Variants in DOK7 observed in about 807,000 individuals in gnomAD.
The protein encoded by DOK7 is protein Dok-7.
Under a neutral mutation model 30.7 loss-of-function variants are expected in DOK7, and 32 were observed. The ratio of observed to expected loss-of-function variants is 1.04; its 90% CI spans 0.79 to 1.40. The LOEUF is 1.40. Among genes scored for constraint, DOK7 ranks in the 40% most tolerant of loss-of-function variants. The pLI, the probability that DOK7 is intolerant of heterozygous loss-of-function variation, is 0.00. For missense variants in DOK7, 1,007 were observed against 699.2 expected, an observed-to-expected ratio of 1.44 and a Z score of -4.97; for synonymous variants, 447 against 324.1, an observed-to-expected ratio of 1.38 and a Z score of -4.07.
intron 2 of DOK7, among the ~76,000 whole-genome samples, chr4:3,467,545 G>A (rs1322204608): frequency 6.6e-6 from 1 of 151,744 alleles, no homozygotes; most frequent in Non-Finnish European, 1.5e-5. Flanking sequence ...TGAATGCAGG[G>A]GGAGCGTGTG....
At chr4:3,496,710 C>A, downstream of DOK7, 1 of 1,275,470 alleles carries the variant, frequency 7.8e-7, no homozygotes. Context: ...ACCCAGGTCC[C>A]CCAGCCTGTG....
rs1467813312 is a variant in DOK7 at position 3,494,211 on chromosome 4, C to G, written c.*710C>G. The G allele has an allele frequency of 1.0e-6, 1 of 985,422 alleles. No homozygotes were observed. Among genetic ancestry groups the G allele is most frequent in the Non-Finnish European group, 1.2e-6 (1 of 830,004 alleles). The allele number at this position is 985,422 out of a possible 1,614,324, so 61.0% of individuals were successfully genotyped here. A position where few individuals can be genotyped will look rare whatever the true frequency, so the allele number is the denominator to read the frequency against. The stretch of plus-strand genomic sequence containing the variant: ...CCGTGCCTCGGGCCCCTGGTGGGAG[C>G]TCTGCTGGCTCCTGTCTGAACCTCC... On this transcript the variant is annotated 3_prime_UTR_variant, in exon 7 of 7. Transcript: ENST00000340083.
rs1463959374 is a variant in DOK7, at chr4:3,494,184, C to T, written c.*683C>T. On this transcript the variant is annotated 3_prime_UTR_variant, in exon 7 of 7. Transcript: ENST00000340083. The stretch of plus-strand genomic sequence containing the variant: ...CGCCTGCTGACCCCACTGGGAGAGG[C>T]GCCGTGCCTCGGGCCCCTGGTGGGA... 3.7e-5 allele frequency: 36 copies of T among 985,452 alleles called. No homozygotes were observed. Among genetic ancestry groups the T allele is most frequent in the African/African-American group, 2.8e-4 (16 of 57,256 alleles). 61.0% of individuals were successfully genotyped at this position (985,452 alleles called of 1,614,324 possible).
exon 8 of DOK7, chr4:3,500,957 G>C (rs564897555): frequency 1.5e-6 from 2 of 1,356,076 alleles, no homozygotes; most frequent in Admixed American, 2.9e-5. Flanking sequence ...GGCATGGCCG[G>C]TCTCCGGGCC....
chr4:3,498,327 C>G (rs1291452984), downstream of DOK7, among the ~76,000 whole-genome samples: 1 of 152,232 alleles, frequency 6.6e-6, no homozygotes, highest in Non-Finnish European at 1.5e-5. Context: ...ACTGCTGGCC[C>G]AGCGCTGCTT....
intron 6 of DOK7, among the ~76,000 whole-genome samples, chr4:3,490,909 T>TCTGCTCATTCATTCCTTCCTTCTTCCC (rs1204315086): frequency 1.2e-4 from 14 of 115,696 alleles, no homozygotes; most frequent in African/African-American, 4.1e-4. Flanking sequence ...CCTTCTCTCC[T>TCTGCTCATTCATTCCTTCCTTCTTCCC]CTGCTCATTC....
In DOK7 at chr4:3,493,680, C is replaced by G; in HGVS notation, c.*179C>G. ...GGCTGCCACCGGAGGAAGGGGCTGA[C>G]TTGGGGAGGTGAGTTCTGGAAGGCA... is the stretch of plus-strand genomic sequence containing the variant. On this transcript the variant is annotated 3_prime_UTR_variant, in exon 7 of 7. Coordinates refer to ENST00000340083, the MANE Select transcript of DOK7 (RefSeq NM_173660.5). 8 of 1,447,176 alleles carry G rather than the reference C, an allele frequency of 5.5e-6. No homozygotes were observed. The highest frequency in any genetic ancestry group is 5.5e-6 in the Non-Finnish European group (6 of 1,100,890). 89.6% of individuals were successfully genotyped at this position (1,447,176 alleles called of 1,614,324 possible).
rs752168445 is a variant in DOK7 at position 3,492,969 on chromosome 4, A to T, written c.983A>T (p.Gln328Leu). 1 of 1,553,524 alleles carries T rather than the reference A, an allele frequency of 6.4e-7. No homozygotes were observed. Among genetic ancestry groups the T allele is most frequent in the South Asian group, 1.2e-5 (1 of 85,378 alleles). Residue 328 changes from glutamine to leucine, a missense_variant, in exon 7 of 7, where the codon CAG becomes CTG. Gln to Leu is a moderately radical substitution (Grantham distance 113). Coordinates refer to ENST00000340083, the MANE Select transcript of DOK7 (RefSeq NM_173660.5). The part of the protein sequence containing the change: ...PPKPLRPRQL[Q>L]EVGRQSSSDS... Reference sequence around the variant, plus strand: ...AAGCCGCTGCGTCCGCGGCAGCTGCAGGAGGTTGGCCGCCAGAGCTCCTCG... The same window carrying T: ...AAGCCGCTGCGTCCGCGGCAGCTGCTGGAGGTTGGCCGCCAGAGCTCCTCG...
chr4:3,465,541 C>T (rs1726216727), intron 2 of DOK7, among the ~76,000 whole-genome samples: 1 of 152,244 alleles, frequency 6.6e-6, no homozygotes, highest in Non-Finnish European at 1.5e-5. Flanking sequence ...TGATTTCCTT[C>T]TGGGAAGGGC....
chr4:3,481,827 AG>A lies in DOK7; in HGVS notation c.533-3711del, dbSNP rs1340804000. 3.3e-5 allele frequency among the ~76,000 whole-genome samples: 5 copies of A among 152,284 alleles called. No individual in the cohort carries two copies. The East Asian group carries it at 9.6e-4, about 29-fold the overall frequency. On this transcript the variant is annotated intron_variant, in intron 4 of 6. Transcript: ENST00000340083. ...GGCTCATTAAATGTCTGCGTGGAGG[AG>A]CATTTTCTTTCTCAAGCCGGTGAGT...
At chr4:3,468,915 ATGTG>A (rs141567329) in intron 2 of DOK7, among the ~76,000 whole-genome samples, 168 of 137,738 alleles carry the variant, frequency 1.2e-3, no homozygotes, top group Non-Finnish European at 5.9e-4. Context: ...CTGTGTGTGT[ATGTG>A]TGTATGAGTG....
At chr4:3,468,638 CTGTG>C (rs747194748) in intron 2 of DOK7, among the ~76,000 whole-genome samples, 50 of 132,404 alleles carry the variant, frequency 3.8e-4, no homozygotes, top group African/African-American at 1.3e-3. Context: ...GTGTATATGC[CTGTG>C]TGTGTGCATG....
chr4:3,470,489 C>T (rs149650621), intron 2 of DOK7, among the ~76,000 whole-genome samples: 137 of 152,216 alleles, frequency 9.0e-4, no homozygotes, highest in African/African-American at 2.9e-3. Flanking sequence ...GGGTGGCGTC[C>T]GTGAATCAGA....
At chr4:3,472,149 G>T (rs1260446068) in intron 2 of DOK7, among the ~76,000 whole-genome samples, 1 of 152,252 alleles carries the variant, frequency 6.6e-6, no homozygotes, top group African/African-American at 2.4e-5. Flanking sequence ...TGGCTCTGCG[G>T]GCTGTGGCCA....
chr4:3,494,790 C>T (rs1041770371), downstream of DOK7, among the ~76,000 whole-genome samples: 7 of 152,176 alleles, frequency 4.6e-5, no homozygotes, highest in South Asian at 4.1e-4. Flanking sequence ...CCTCAGGTCC[C>T]GGTGAGGGCG....
intron 2 of DOK7, among the ~76,000 whole-genome samples, chr4:3,465,563 C>CT (rs1726217682): frequency 6.6e-6 from 1 of 152,212 alleles, no homozygotes; most frequent in East Asian, 1.9e-4. Context: ...CCGATGTGCA[C>CT]CTTTTCCACT....
intron 4 of DOK7, among the ~76,000 whole-genome samples, chr4:3,481,440 AGGGGG>A (rs369480280): frequency 0.067 from 10,129 of 150,542 alleles, 600 homozygotes; most frequent in African/African-American, 0.16. Flanking sequence ...CGGCCCGGGA[AGGGGG>A]GGCCTTCTAG....
At chr4:3,489,829 C>G (rs1161392346) in intron 6 of DOK7, 33 bp downstream of exon 6, 3 of 1,559,586 alleles carry the variant, frequency 1.9e-6, no homozygotes, top group Admixed American at 1.9e-5. Flanking sequence ...GCTGTGGGAC[C>G]TCGGCTAAGC....
chr4:3,496,762 G>A (rs933312754), downstream of DOK7: 36 of 1,521,898 alleles, frequency 2.4e-5, no homozygotes, highest in East Asian at 9.8e-5. Context: ...GTGGCCCCCC[G>A]GGCACAGGAT....
Sources: gnomAD v4.1 joint callset for allele counts (sites outside exome capture counted in the v4.1 genomes callset) on GRCh38, gnomAD v4.1.1 for gene constraint, MANE v1.5 for transcripts, NCBI Gene and HGNC (gene_info 2026-07-23, HGNC 2026-07-21) for gene names.